Variants in COG3 observed in about 807,000 individuals in gnomAD.
The protein encoded by COG3 is component of oligomeric golgi complex 3.
A neutral mutation model predicts 114.1 loss-of-function variants in COG3; 32 were observed. The ratio of observed to expected loss-of-function variants is 0.28; its 90% CI spans 0.21 to 0.38. COG3 has a LOEUF of 0.38. Ranked by LOEUF, COG3 falls within the 10% of genes least tolerant of loss-of-function variation. The pLI, the probability that COG3 is intolerant of heterozygous loss-of-function variation, is 1.00. For synonymous variants in COG3, 352 were observed against 365.7 expected (o/e 0.96, Z 0.43); for missense variants, 813 against 973.2 (o/e 0.84, Z 2.19).
At chr13:45,465,395 C>G in intron 1 of COG3, 185 bp downstream of exon 1, 1 of 1,031,446 alleles carries the variant, frequency 9.7e-7, no homozygotes, top group Non-Finnish European at 1.3e-6. Context: ...TGCCTGCGAC[C>G]CCGACTCTAA....
chr13:45,478,026 T>C (rs1181022014), intron 2 of COG3, among the ~76,000 whole-genome samples: 2 of 152,210 alleles, frequency 1.3e-5, no homozygotes, highest in Non-Finnish European at 1.5e-5. Flanking sequence ...CCCAAAGCAC[T>C]ATGTTACCTA....
intron 15 of COG3, among the ~76,000 whole-genome samples, chr13:45,510,665 G>C (rs1204267976): frequency 2.0e-5 from 3 of 152,216 alleles, no homozygotes; most frequent in Non-Finnish European, 2.9e-5. Flanking sequence ...AGGTAGGCCT[G>C]AGGAGGTCAC....
intron 20 of COG3, among the ~76,000 whole-genome samples, chr13:45,525,782 C>G (rs1593752444): frequency 1.1e-5 from 1 of 93,358 alleles, no homozygotes; most frequent in African/African-American, 4.6e-5. Flanking sequence ...TGGCCATTCT[C>G]TAGCCAATAT....
chr13:45,465,660 C>T (rs1419200799), intron 1 of COG3: 2 of 157,352 alleles, frequency 1.3e-5, no homozygotes, highest in African/African-American at 4.8e-5. Flanking sequence ...ACCTAGGTTG[C>T]TTTGTCCATG....
At chr13:45,523,611 T>C (rs1020383761) in intron 19 of COG3, among the ~76,000 whole-genome samples, 1 of 152,206 alleles carries the variant, frequency 6.6e-6, no homozygotes, top group Admixed American at 6.5e-5. Flanking sequence ...GAGATTAATA[T>C]ACTAGTTTAT....
intron 20 of COG3, among the ~76,000 whole-genome samples, chr13:45,528,293 C>G (rs7332805): frequency 2.0e-5 from 3 of 152,048 alleles, no homozygotes; most frequent in Admixed American, 2.0e-4. Context: ...CTACTGTCTA[C>G]GGAGTACCTA....
intron 4 of COG3, 50 bp downstream of exon 4, chr13:45,480,340 A>G (rs111573190): frequency 6.5e-6 from 8 of 1,227,822 alleles, no homozygotes; most frequent in Non-Finnish European, 6.8e-6. Flanking sequence ...ATATTTTAAA[A>G]TAGATGAATA....
rs1009802458 is a variant in COG3, at chr13:45,496,920, G to A, written c.1488+608G>A. Among the ~76,000 whole-genome samples, 103 of 152,180 alleles carry A rather than the reference G, an allele frequency of 6.8e-4. 2 individuals carry two copies. Among genetic ancestry groups the A allele is most frequent in the African/African-American group, 2.3e-3 (96 of 41,516 alleles). On this transcript the variant is annotated intron_variant, in intron 13 of 22. Coordinates refer to ENST00000349995, the MANE Select transcript of COG3 (RefSeq NM_031431.4). ...AATCCCCTGACCTCGTGATCCGCCC[G>A]CCTCGGCCTCCCAAGGTGCTGGGAT... is the stretch of plus-strand genomic sequence containing the variant.
chr13:45,512,513 T>C (rs976577489), intron 16 of COG3, among the ~76,000 whole-genome samples: 1 of 152,124 alleles, frequency 6.6e-6, no homozygotes, highest in African/African-American at 2.4e-5. Flanking sequence ...TTGTATTTTT[T>C]GTGGAGACAG....
At chr13:45,466,472 C>T (rs1593664406) in intron 1 of COG3, 1 of 152,288 alleles carries the variant, frequency 6.6e-6, no homozygotes, top group East Asian at 1.9e-4. Context: ...GTATGCTCAG[C>T]CATCAAATAG....
At position 45,516,183 on chromosome 13, in the gene COG3, T is replaced by C; in HGVS notation, c.1850T>C (p.Leu617Ser). The C allele has an allele frequency of 6.2e-7, 1 of 1,600,094 alleles. No homozygotes were observed. The change falls in exon 17 of 23, where the codon TTG (leucine) becomes TCG (serine). Residue 617 changes from leucine (L) to serine (S), a missense_variant. By Grantham distance (145) the Leu-to-Ser change is moderately radical. Transcript: ENST00000349995. ...DGQLFLIKHL[L>S]ILREQIAPFH... ...CAACTTTTCTTAATTAAGCACCTTT[T>C]GATACTTCGTGAACAAATTGCTCCA...
chr13:45,481,188 T>C (rs776936671), intron 4 of COG3, 42 bp from the exon 5 acceptor site: 12 of 1,093,276 alleles, frequency 1.1e-5, no homozygotes, highest in South Asian at 1.1e-4. Flanking sequence ...TTGATTCTTA[T>C]ATTCTTATAA....
rs545683072 is a variant in COG3, at chr13:45,535,947, C to A, written c.*1216C>A. 1.1e-4 allele frequency: 105 copies of A among 920,616 alleles called. No homozygotes were observed. The highest frequency in any genetic ancestry group is 1.3e-4 in the Non-Finnish European group (103 of 769,068). 57.0% of individuals were successfully genotyped at this position (920,616 alleles called of 1,614,324 possible). The stretch of plus-strand genomic sequence containing the variant: ...CATTGTCAGGGGTTCTGGAATGGGA[C>A]CAGGGGACCTTTTGGTGCAGTGGGT... On this transcript the variant is annotated 3_prime_UTR_variant, in exon 23 of 23. Transcript: ENST00000349995.
At chr13:45,488,384 C>G (rs1886801099) in intron 8 of COG3, among the ~76,000 whole-genome samples, 1 of 151,910 alleles carries the variant, frequency 6.6e-6, no homozygotes, top group African/African-American at 2.4e-5. Context: ...TGAAATTTTC[C>G]CAGCACAAAG....
intron 19 of COG3, among the ~76,000 whole-genome samples, chr13:45,519,995 T>C (rs922138217): frequency 1.3e-5 from 2 of 152,216 alleles, no homozygotes; most frequent in Non-Finnish European, 2.9e-5. Context: ...GTCTTGAAAT[T>C]AGGCTGGGTG....
intron 7 of COG3, among the ~76,000 whole-genome samples, chr13:45,484,458 A>G (rs1020832453): frequency 1.3e-5 from 2 of 152,194 alleles, no homozygotes; most frequent in African/African-American, 4.8e-5. Context: ...ACCAAAATTT[A>G]AATAATGTAA....
In COG3 at chr13:45,516,149, A is replaced by G; in HGVS notation, c.1816A>G (p.Ile606Val). ...SESISKNKTQ[I>V]DGQLFLIKHL... ...TTTCTGTCTTATAATTTAGACTCAG[A>G]TTGATGGACAACTTTTCTTAATTAA... The change falls in exon 17 of 23, where the codon ATT (isoleucine) becomes GTT (valine). Residue 606 changes from isoleucine (I) to valine (V), a missense_variant. Physicochemically the swap from Ile to Val is conservative, Grantham distance 29. This residue lies in a region of COG3 where 389 missense variants were observed against 542.6 expected (regional missense o/e 0.72). Coordinates refer to ENST00000349995, the MANE Select transcript of COG3 (RefSeq NM_031431.4). 6.4e-7 allele frequency: 1 copy of G among 1,567,376 alleles called. No homozygotes were observed. The highest frequency in any genetic ancestry group is 8.7e-7 in the Non-Finnish European group (1 of 1,148,370).
intron 14 of COG3, among the ~76,000 whole-genome samples, chr13:45,503,820 A>G (rs1224231119): frequency 6.6e-6 from 1 of 152,112 alleles, no homozygotes; most frequent in Admixed American, 6.6e-5. Flanking sequence ...CCAGATAGGG[A>G]TAGATGTCAT....
chr13:45,495,239 G>A (rs1021854037), intron 12 of COG3, among the ~76,000 whole-genome samples: 25 of 136,284 alleles, frequency 1.8e-4, no homozygotes, highest in Admixed American at 7.4e-4. Flanking sequence ...CATCCTATCT[G>A]CGCCTCCCAA....
Sources: allele counts gnomAD v4.1 joint callset (sites outside exome capture counted in the v4.1 genomes callset), GRCh38; gene constraint gnomAD v4.1.1; regional missense constraint gnomAD v4.1.1; transcripts MANE v1.5; gene names NCBI Gene and HGNC (gene_info 2026-07-23, HGNC 2026-07-21).